MED24: variants seen among roughly 807,000 people sequenced by gnomAD.
The protein encoded by MED24 is mediator complex subunit 24, also known as mediator of RNA polymerase II transcription subunit 24.
MED24 carries 74 observed loss-of-function variants against 118.8 expected under a neutral mutation model. That is an observed-to-expected ratio of 0.62 (90% CI 0.52 to 0.76). The LOEUF is 0.76. Ranked by LOEUF, MED24 falls within the 30% of genes least tolerant of loss-of-function variation. The pLI is 0.00. For missense variants in MED24, 1,041 were observed against 1,278.9 expected (o/e 0.81, Z 2.84); for synonymous variants, 521 against 523.9 (o/e 0.99, Z 0.08).
In MED24 at chr17:40,019,470, C is replaced by T; in HGVS notation, c.*59G>A. On this transcript the variant is annotated 3_prime_UTR_variant, in exon 26 of 26. Coordinates refer to ENST00000394128, the MANE Select transcript of MED24 (RefSeq NM_014815.4). ...TGCCTCATCTTTCCTCACTGCTTCC[C>T]TTGGAGGCGCCTGGGGCTGCGCCAG... is the stretch of plus-strand genomic sequence containing the variant. 1 of 1,451,992 alleles carries T rather than the reference C, an allele frequency of 6.9e-7. No individual in the cohort carries two copies. The highest frequency in any genetic ancestry group is 9.6e-7 in the Non-Finnish European group (1 of 1,043,990). The allele number at this position is 1,451,992 out of a possible 1,614,324, so 89.9% of individuals were successfully genotyped here.
intron 3 of MED24, among the ~76,000 whole-genome samples, chr17:40,051,774 T>G (rs551433780): frequency 6.6e-6 from 1 of 150,538 alleles, no homozygotes; most frequent in East Asian, 2.0e-4. Flanking sequence ...AATACAAAAA[T>G]TAGCCGGGTG....
intron 1 of MED24, chr17:40,053,848 C>T (rs1260110794): frequency 3.0e-6 from 2 of 658,312 alleles, no homozygotes; most frequent in Admixed American, 5.8e-5. Flanking sequence ...AAGAAAGTAT[C>T]GGCCGAGCGC....
chr17:40,033,465 G>T lies in MED24; in HGVS notation c.560-9C>A. The T allele has an allele frequency of 6.4e-7, 1 of 1,567,870 alleles. No individual in the cohort carries two copies. Among genetic ancestry groups the T allele is most frequent in the Non-Finnish European group, 8.7e-7 (1 of 1,153,958 alleles). ...GATGGCAGTCCAAGAAGCTGGCAGAGGGAAGGAAGTACAGAAACATGATGG... is the reference window on the plus strand; with the variant it reads ...GATGGCAGTCCAAGAAGCTGGCAGATGGAAGGAAGTACAGAAACATGATGG... On this transcript the variant is annotated splice_polypyrimidine_tract_variant and intron_variant, in intron 6 of 25. Coordinates refer to ENST00000394128, the MANE Select transcript of MED24 (RefSeq NM_014815.4). The surrounding 1 kb of genome is among the most constrained non-coding windows in gnomAD (Gnocchi z 5.2).
chr17:40,020,114 A>T (rs924275180), intron 24 of MED24, 159 bp downstream of exon 24: 2 of 989,192 alleles, frequency 2.0e-6, no homozygotes, highest in Non-Finnish European at 3.0e-6. Context: ...GGAACTAGAC[A>T]GGAGCCTGGG....
intron 3 of MED24, 21 bp downstream of exon 3, chr17:40,053,277 G>A: frequency 6.3e-7 from 1 of 1,579,010 alleles, no homozygotes; most frequent in Non-Finnish European, 8.6e-7. Context: ...ACTTCTTGGT[G>A]GGGGTTTGCG....
At chr17:40,021,573 T>C (rs1216993362) in intron 23 of MED24, among the ~76,000 whole-genome samples, 1 of 152,038 alleles carries the variant, frequency 6.6e-6, no homozygotes, top group African/African-American at 2.4e-5. Context: ...TCCGGGCATG[T>C]TTTGGGGGAA....
At position 40,033,875 on chromosome 17, in the gene MED24, A is replaced by G. The variant is rs1983662711; in HGVS notation, c.560-419T>C. 2.6e-6 allele frequency: 1 copy of G among 390,854 alleles called. No homozygotes were observed. Among genetic ancestry groups the G allele is most frequent in the Admixed American group, 3.0e-5 (1 of 33,414 alleles). The allele number at this position is 390,854 out of a possible 1,614,324, so 24.2% of individuals were successfully genotyped here. ...TCCTCTGGGGGAACTGGGTCCCTAA[A>G]TGGCTTTCTCATTCTCAACCACTCC... On this transcript the variant is annotated intron_variant, in intron 6 of 25. Coordinates refer to ENST00000394128, the MANE Select transcript of MED24 (RefSeq NM_014815.4). This position sits in a 1 kb window ranked among gnomAD's most constrained non-coding sequence, Gnocchi z 5.2.
chr17:40,035,483 A>C lies in MED24; in HGVS notation c.327-134T>G. 11 of 1,056,922 alleles carry C rather than the reference A, an allele frequency of 1.0e-5. No homozygotes were observed. In the South Asian group the frequency reaches 1.7e-4, roughly 16 times the overall value. The allele number at this position is 1,056,922 out of a possible 1,614,324, so 65.5% of individuals were successfully genotyped here. On this transcript the variant is annotated intron_variant, in intron 5 of 25. Coordinates refer to ENST00000394128, the MANE Select transcript of MED24 (RefSeq NM_014815.4). ...AGAAGCTAGCAAAGTCCTGGGGAAG[A>C]TGCTTAGCCCCTTTGGCTCCTACTG...
chr17:40,038,567 C>T (rs962093982), intron 3 of MED24, among the ~76,000 whole-genome samples: 5 of 152,074 alleles, frequency 3.3e-5, no homozygotes, highest in East Asian at 3.9e-4. Context: ...AAAAACTAGC[C>T]GGGCGTGGTG....
intron 1 of MED24, chr17:40,053,885 C>A: frequency 3.4e-6 from 2 of 592,928 alleles, no homozygotes; most frequent in South Asian, 4.2e-5. Context: ...AATCCCAGCA[C>A]TTCGGGAGGC....
chr17:40,031,940 G>A (rs745866613), intron 10 of MED24, 103 bp downstream of exon 10: 26 of 1,320,460 alleles, frequency 2.0e-5, no homozygotes, highest in Admixed American at 1.5e-4. Context: ...ACTCACATCC[G>A]GCTCTCTTCC....
chr17:40,040,736 A>G (rs1378725337), intron 3 of MED24, among the ~76,000 whole-genome samples: 1 of 151,160 alleles, frequency 6.6e-6, no homozygotes, highest in Admixed American at 6.6e-5. Flanking sequence ...CTCCTGCCTC[A>G]GCCACCTGAG....
intron 3 of MED24, among the ~76,000 whole-genome samples, 175 bp from the exon 4 acceptor site, chr17:40,036,329 T>C (rs566722565): frequency 1.3e-5 from 2 of 152,288 alleles, no homozygotes; most frequent in East Asian, 3.9e-4. Flanking sequence ...TTCCTGCCTC[T>C]GTCAGACTTA....
At chr17:40,028,794 C>T (rs768761781) in intron 14 of MED24, 32 bp downstream of exon 14, 11 of 1,611,312 alleles carry the variant, frequency 6.8e-6, no homozygotes, top group East Asian at 2.2e-5. Context: ...CCTCCCTGCA[C>T]GCCCTGGGGT....
rs1053218642 is a variant in MED24, at chr17:40,027,321, G to A, written c.1530+62C>T. On this transcript the variant is annotated intron_variant, in intron 16 of 25. Coordinates refer to ENST00000394128, the MANE Select transcript of MED24 (RefSeq NM_014815.4). ...GCTGCGGGGGCGCAGGCAGTGAGGT[G>A]GGGAGAGTTCCGGGTTACCTCCTTC... 1.7e-5 allele frequency: 26 copies of A among 1,523,338 alleles called. No homozygotes were observed. In the African/African-American group the frequency reaches 2.2e-4, roughly 13 times the overall value. The allele number at this position is 1,523,338 out of a possible 1,614,324, so 94.4% of individuals were successfully genotyped here.
intron 18 of MED24, 144 bp from the exon 19 acceptor site, chr17:40,026,475 C>T: frequency 8.3e-7 from 1 of 1,203,340 alleles, no homozygotes; most frequent in Non-Finnish European, 1.2e-6. Flanking sequence ...TTTGATCTTC[C>T]CAGAGCTACC....
At chr17:40,036,615 G>A (rs1983962782) in intron 3 of MED24, among the ~76,000 whole-genome samples, 1 of 149,576 alleles carries the variant, frequency 6.7e-6, no homozygotes, top group African/African-American at 2.4e-5. Flanking sequence ...TTGAATCAGG[G>A]AGTTGGAGGT....
intron 14 of MED24, chr17:40,028,148 C>T (rs1041710306): frequency 1.7e-5 from 9 of 529,048 alleles, no homozygotes; most frequent in African/African-American, 1.4e-4. Flanking sequence ...AAGAGTCTCG[C>T]TCTGTCACCC....
chr17:40,019,211 CTTT>C lies in MED24; in HGVS notation c.*315_*317del. ...ACACACACACACACACACATACACA[CTTT>C]GCATCTAGAAAGTTCCTCAGAGGTA... On this transcript the variant is annotated 3_prime_UTR_variant, in exon 26 of 26. Transcript: ENST00000394128. 1 of 311,754 alleles carries C rather than the reference CTTT, an allele frequency of 3.2e-6. No individual in the cohort carries two copies. Among genetic ancestry groups the C allele is most frequent in the Non-Finnish European group, 6.0e-6 (1 of 167,216 alleles). The allele number at this position is 311,754 out of a possible 1,614,324, so 19.3% of individuals were successfully genotyped here.
Sources: gnomAD v4.1 joint callset for allele counts (sites outside exome capture counted in the v4.1 genomes callset) on GRCh38, gnomAD v4.1.1 for gene constraint, Gnocchi (gnomAD v3.1) non-coding constraint, MANE v1.5 for transcripts, NCBI Gene and HGNC (gene_info 2026-07-23, HGNC 2026-07-21) for gene names.